Variants in HM13 observed in about 807,000 individuals in gnomAD.
HM13 encodes histocompatibility minor 13.
HM13 carries 18 observed loss-of-function variants against 50.0 expected under a neutral mutation model. That is an observed-to-expected ratio of 0.36 (90% CI 0.25 to 0.53). The LOEUF is 0.53. Among genes scored for constraint, HM13 ranks in the 20% least tolerant of loss-of-function variants. HM13 has a pLI of 0.90. For synonymous variants in HM13, 197 were observed against 232.6 expected (o/e 0.85, Z 1.39); for missense variants, 393 against 552.4 (o/e 0.71, Z 2.89).
rs1411555119 is a variant in HM13 at position 31,534,836 on chromosome 20, A to T, written c.283-3343A>T. On this transcript the variant is annotated intron_variant, in intron 2 of 12. Coordinates refer to ENST00000398174, the MANE Select transcript of HM13 (RefSeq NM_178581.3). ...TGCAGTGGCTCACGCCTGTAATCCC[A>T]GCACTTTGGGAGGCCGAGGCGGGCA... 2.0e-5 allele frequency among the ~76,000 whole-genome samples: 3 copies of T among 152,158 alleles called. No individual in the cohort carries two copies. The East Asian group carries it at 5.8e-4, about 29-fold the overall frequency.
At chr20:31,552,448 T>TA (rs1984082410) in intron 7 of HM13, among the ~76,000 whole-genome samples, 1 of 152,174 alleles carries the variant, frequency 6.6e-6, no homozygotes, top group South Asian at 2.1e-4. Context: ...CACTGCCCCG[T>TA]AGGCCACTGG....
At chr20:31,555,451 A>G (rs1984256973) in intron 8 of HM13, among the ~76,000 whole-genome samples, 1 of 152,096 alleles carries the variant, frequency 6.6e-6, no homozygotes, top group African/African-American at 2.4e-5. Flanking sequence ...CCTGTCCACA[A>G]TCCAAGCAGG....
At chr20:31,554,676 C>G in intron 7 of HM13, 70 bp from the exon 8 acceptor site, 9 of 1,294,556 alleles carry the variant, frequency 7.0e-6, no homozygotes, top group Admixed American at 1.8e-5. Flanking sequence ...TGCGAGACTC[C>G]GTCTCAAAAA....
At chr20:31,557,512 C>G (rs1173667719) in intron 8 of HM13, among the ~76,000 whole-genome samples, 1 of 152,202 alleles carries the variant, frequency 6.6e-6, no homozygotes, top group Admixed American at 6.5e-5. Context: ...GCTCTGACCC[C>G]TGGATTAGTT....
intron 2 of HM13, among the ~76,000 whole-genome samples, chr20:31,534,500 G>GGCACCGTCGCC (rs1206299307): frequency 2.0e-5 from 3 of 152,190 alleles, no homozygotes. Flanking sequence ...AAGAAGACCA[G>GGCACCGTCGCC]AGGCTGGGCA....
chr20:31,535,515 A>C (rs1983058988), intron 2 of HM13: 1 of 152,264 alleles, frequency 6.6e-6, no homozygotes, highest in Non-Finnish European at 1.5e-5. Flanking sequence ...GAAACCAACA[A>C]GAAGCTCAGA....
chr20:31,554,685 A>G (rs1272791104), intron 7 of HM13, 61 bp from the exon 8 acceptor site: 1 of 1,490,034 alleles, frequency 6.7e-7, no homozygotes, highest in Non-Finnish European at 9.2e-7. Context: ...CCGTCTCAAA[A>G]AAAAAAAAAA....
chr20:31,534,040 C>T (rs1369123900), intron 2 of HM13, among the ~76,000 whole-genome samples: 2 of 151,852 alleles, frequency 1.3e-5, no homozygotes, highest in Admixed American at 6.6e-5. Flanking sequence ...CCACCACGCC[C>T]GCCTAATTTT....
At chr20:31,521,590 G>A (rs1311993609) in intron 1 of HM13, among the ~76,000 whole-genome samples, 5 of 151,972 alleles carry the variant, frequency 3.3e-5, no homozygotes, top group African/African-American at 9.7e-5. Context: ...TTAGCTGGGC[G>A]TGGTGGTACA....
In HM13 at chr20:31,561,691, C is replaced by A; in HGVS notation, c.903C>A (p.Gly301=). ...CCAGCTTTGCAGCCTACATCTTCGG[C>A]CTGGGCCTTACCATCTTCATCATGC... ...FYTSFAAYIF[G]LGLTIFIMHI... is the part of the protein sequence containing the mutation. Residue 301 remains glycine (G), a synonymous_variant, in exon 10 of 13, where the codon GGC becomes GGA. Coordinates refer to ENST00000398174, the MANE Select transcript of HM13 (RefSeq NM_178581.3). 6.2e-7 allele frequency: 1 copy of A among 1,613,998 alleles called. No homozygotes were observed. The highest frequency in any genetic ancestry group is 8.5e-7 in the Non-Finnish European group (1 of 1,179,840).
chr20:31,569,126 G>T lies in HM13; in HGVS notation c.1188G>T (p.Glu396Asp). Reference protein sequence around the residue: ...RRPQNPSAIYEESNPKDPAAV... With the variant: ...RRPQNPSAIYDESNPKDPAAV... ...TTTTTTTTTTTTTGGTCAGTTATGA[G>T]GAGTCAAATCCTAAGGATCCAGCGG... The change falls in exon 13 of 13, where the codon GAG becomes GAT. Residue 396 changes from glutamate (E) to aspartate (D), a missense_variant. Coordinates refer to ENST00000398174, the MANE Select transcript of HM13 (RefSeq NM_178581.3). 1 of 1,555,366 alleles carries T rather than the reference G, an allele frequency of 6.4e-7. No individual in the cohort carries two copies. Among genetic ancestry groups the T allele is most frequent in the Non-Finnish European group, 8.7e-7 (1 of 1,145,140 alleles).
intron 1 of HM13, among the ~76,000 whole-genome samples, chr20:31,515,341 C>T (rs1981708990): frequency 6.6e-6 from 1 of 152,218 alleles, no homozygotes; most frequent in South Asian, 2.1e-4. Flanking sequence ...CAGTTTTTCA[C>T]ATCACTTTCT....
chr20:31,554,679 CT>C, intron 7 of HM13, 66 bp from the exon 8 acceptor site: 4 of 1,304,636 alleles, frequency 3.1e-6, no homozygotes, highest in Non-Finnish European at 4.4e-6. Flanking sequence ...GAGACTCCGT[CT>C]CAAAAAAAAA....
Position 31,568,176 on chromosome 20 carries a change from A to C in HM13, c.1133A>C (p.Gln378Pro), listed in dbSNP as rs924028940. 6 of 1,613,102 alleles carry C rather than the reference A, an allele frequency of 3.7e-6. No homozygotes were observed. The African/African-American group carries it at 6.7e-5, about 18-fold the overall frequency. The change falls in exon 12 of 13, where the codon CAG becomes CCG. Residue 378 changes from glutamine to proline, a missense_variant. This residue lies in a region of HM13 where 105 missense variants were observed against 115.9 expected (regional missense o/e 0.91). Coordinates refer to ENST00000398174, the MANE Select transcript of HM13 (RefSeq NM_178581.3). ...GCCAGCCTGGCCGACTCCATGCAGC[A>C]GAAGCTAGCTGGCCCTCGCCGCCGG... ...SPASLADSMQ[Q>P]KLAGPRRRRP...
chr20:31,566,026 C>G (rs909307125), intron 10 of HM13, 184 bp from the exon 11 acceptor site: 21 of 492,130 alleles, frequency 4.3e-5, no homozygotes, highest in Admixed American at 1.1e-4. Flanking sequence ...TGCATTCCCT[C>G]TCGGGAGGAG....
intron 8 of HM13, 139 bp from the exon 9 acceptor site, chr20:31,559,472 T>C: frequency 1.2e-6 from 1 of 837,308 alleles, no homozygotes; most frequent in Non-Finnish European, 2.1e-6. Flanking sequence ...TGCTGTCACT[T>C]GAGAGTATTG....
At position 31,526,684 on chromosome 20, in the gene HM13, C is replaced by T. The variant is rs546829808; in HGVS notation, c.184-800C>T. 1.2e-4 allele frequency among the ~76,000 whole-genome samples: 19 copies of T among 152,246 alleles called. No individual in the cohort carries two copies. In the East Asian group the frequency reaches 3.7e-3, roughly 29 times the overall value. On this transcript the variant is annotated intron_variant, in intron 1 of 12. Transcript: ENST00000398174. ...GCTTTTATTTTTACCATTTTCAAGT[C>T]TGCCAGTCAAATTTCTTAAATTTAA...
intron 1 of HM13, among the ~76,000 whole-genome samples, chr20:31,526,239 A>T (rs1024828096): frequency 2.0e-5 from 3 of 150,048 alleles, no homozygotes; most frequent in Non-Finnish European, 4.4e-5. Context: ...GCTGACTGCA[A>T]CCTCCACCTC....
chr20:31,561,223 C>T (rs1568799633), intron 9 of HM13, among the ~76,000 whole-genome samples: 1 of 151,988 alleles, frequency 6.6e-6, no homozygotes, highest in African/African-American at 2.4e-5. Context: ...ATGTTTTTTT[C>T]AAAATGCAGA....
Sources: allele counts gnomAD v4.1 joint callset (sites outside exome capture counted in the v4.1 genomes callset), GRCh38; gene constraint gnomAD v4.1.1; regional missense constraint gnomAD v4.1.1; transcripts MANE v1.5; gene names NCBI Gene and HGNC (gene_info 2026-07-23, HGNC 2026-07-21).